RUNX1T1: variants seen among roughly 807,000 people sequenced by gnomAD.
RUNX1T1 encodes protein CBFA2T1.
A neutral mutation model predicts 62.8 loss-of-function variants in RUNX1T1; 4 were observed. That is an observed-to-expected ratio of 0.06 (90% CI 0.03 to 0.15). The LOEUF is 0.15. Ranked by LOEUF, RUNX1T1 falls within the 10% of genes least tolerant of loss-of-function variation. The probability of loss-of-function intolerance (pLI) is 1.00; values close to 1 mark genes in which losing one functional copy is unlikely to be tolerated. For missense variants in RUNX1T1, 508 were observed against 754.3 expected, an observed-to-expected ratio of 0.67 and a Z score of 3.82; for synonymous variants, 291 against 286.0, an observed-to-expected ratio of 1.02 and a Z score of -0.18.
intron 1 of RUNX1T1, among the ~76,000 whole-genome samples, chr8:92,030,014 A>G (rs1483034409): frequency 6.6e-6 from 1 of 152,134 alleles, no homozygotes; most frequent in African/African-American, 2.4e-5. Context: ...TATAAAATCC[A>G]AACCTTCAAA....
chr8:92,100,340 A>G (rs1837978371), upstream of RUNX1T1, among the ~76,000 whole-genome samples: 1 of 152,208 alleles, frequency 6.6e-6, no homozygotes, highest in Non-Finnish European at 1.5e-5. Flanking sequence ...CACTGGAGAA[A>G]CTGAGTATTG....
chr8:91,999,009 G>A (rs967655703), intron 5 of RUNX1T1, among the ~76,000 whole-genome samples: 1 of 152,146 alleles, frequency 6.6e-6, no homozygotes. Flanking sequence ...TGTTTGTAGT[G>A]TTTTGCTTTG....
chr8:92,094,909 A>T, intron 1 of RUNX1T1: 1 of 711,128 alleles, frequency 1.4e-6, no homozygotes, highest in Non-Finnish European at 2.3e-6. Context: ...TCTTCATCTA[A>T]AGGCTTCAGC....
chr8:92,014,751 T>A, exon 3 of RUNX1T1: 2 of 1,614,012 alleles, frequency 1.2e-6, no homozygotes, highest in South Asian at 1.1e-5. Flanking sequence ...GGAAGGCCCA[T>A]TGCTGAAGCC....
At chr8:92,004,086 A>T (rs754936721) in intron 5 of RUNX1T1, among the ~76,000 whole-genome samples, 7 of 152,214 alleles carry the variant, frequency 4.6e-5, no homozygotes, top group Non-Finnish European at 8.8e-5. Context: ...CAGCTAATAC[A>T]TTTAAGGATA....
chr8:92,091,999 C>T, intron 1 of RUNX1T1, among the ~76,000 whole-genome samples: 1 of 152,150 alleles, frequency 6.6e-6, no homozygotes, highest in East Asian at 1.9e-4. Context: ...TAGCAATTCA[C>T]ATGTGAAGCC....
chr8:92,076,905 C>CT (rs1310476710), intron 1 of RUNX1T1, among the ~76,000 whole-genome samples: 6 of 151,958 alleles, frequency 3.9e-5, no homozygotes, highest in Admixed American at 3.9e-4. Context: ...AAAAGTATTG[C>CT]TATGTAATTC....
chr8:92,025,002 A>G (rs1448001146), intron 1 of RUNX1T1, among the ~76,000 whole-genome samples: 1 of 152,090 alleles, frequency 6.6e-6, no homozygotes, highest in African/African-American at 2.4e-5. Context: ...CATGGTAAGC[A>G]CTCCGGAAAG....
rs566072021 is a variant in RUNX1T1, at chr8:92,045,951, C to T, written c.7+16595G>A. On this transcript the variant is annotated intron_variant, in intron 1 of 10. Transcript: ENST00000396218. ...TTTATTTTTTTCAGGTACTTTTAGA[C>T]GGTGCAGCAACTTCATGGAGGTCAG... Among the ~76,000 whole-genome samples, 42 of 152,168 alleles carry T rather than the reference C, an allele frequency of 2.8e-4. No individual in the cohort carries two copies. The South Asian group carries it at 7.3e-3, about 26-fold the overall frequency.
chr8:92,093,696 T>C (rs1837370929), intron 1 of RUNX1T1, among the ~76,000 whole-genome samples: 2 of 152,150 alleles, frequency 1.3e-5, no homozygotes, highest in Admixed American at 1.3e-4. Context: ...TGCCTGGCTG[T>C]TTCAGTACCC....
intron 1 of RUNX1T1, among the ~76,000 whole-genome samples, chr8:92,042,200 G>A (rs1191887906): frequency 2.4e-4 from 36 of 152,182 alleles, no homozygotes; most frequent in Non-Finnish European, 1.5e-5. Flanking sequence ...TGCTGCCTAT[G>A]ATATCATGAT....
At chr8:92,027,403 T>G (rs1825422359) in intron 1 of RUNX1T1, among the ~76,000 whole-genome samples, 2 of 152,102 alleles carry the variant, frequency 1.3e-5, no homozygotes, top group South Asian at 4.2e-4. Context: ...CAGAAGTCCA[T>G]GGAGGTGACA....
chr8:92,095,438 A>AG, intron 1 of RUNX1T1: 1 of 1,535,578 alleles, frequency 6.5e-7, no homozygotes. Flanking sequence ...GGAGCTTATC[A>AG]GAAGTAAAAG....
chr8:92,050,754 G>A (rs1830105082), intron 1 of RUNX1T1, among the ~76,000 whole-genome samples: 1 of 152,124 alleles, frequency 6.6e-6, no homozygotes. Context: ...ACACACAACA[G>A]CTCAAGTTAT....
chr8:91,986,135 G>A, exon 8 of RUNX1T1: 1 of 1,613,130 alleles, frequency 6.2e-7, no homozygotes, highest in South Asian at 1.1e-5. Flanking sequence ...TAGTGCAACT[G>A]GGTCTGGGTT....
At chr8:91,962,156 C>G (rs1217211659) in intron 10 of RUNX1T1, among the ~76,000 whole-genome samples, 1 of 152,220 alleles carries the variant, frequency 6.6e-6, no homozygotes, top group Non-Finnish European at 1.5e-5. Context: ...TGCTGAAAGC[C>G]TTTGAACTCA....
At chr8:92,014,597 G>C in exon 3 of RUNX1T1, 17 of 1,608,664 alleles carry the variant, frequency 1.1e-5, no homozygotes, top group Non-Finnish European at 1.4e-5. Context: ...CCAGAACGAG[G>C]GTGCGAACTC....
At chr8:92,095,765 G>A (rs1281479726) in intron 1 of RUNX1T1, 2 of 381,108 alleles carry the variant, frequency 5.2e-6, no homozygotes, top group Non-Finnish European at 9.1e-6. Flanking sequence ...ATCTGGGAAT[G>A]AGAGGCAGGC....
At chr8:91,989,642 C>T (rs973730899) in intron 6 of RUNX1T1, among the ~76,000 whole-genome samples, 2 of 152,156 alleles carry the variant, frequency 1.3e-5, no homozygotes, top group Admixed American at 6.5e-5. Context: ...AGGCCATTTG[C>T]TAACACATCT....
Sources: gnomAD v4.1 joint callset for allele counts (sites outside exome capture counted in the v4.1 genomes callset) on GRCh38, gnomAD v4.1.1 for gene constraint, MANE v1.5 for transcripts, NCBI Gene and HGNC (gene_info 2026-07-23, HGNC 2026-07-21) for gene names.